The following ERICH5 variants were observed in gnomAD, a reference collection of about 807,000 sequenced individuals.
ERICH5 encodes glutamate rich 5, also known as glutamate-rich protein 5.
In ERICH5, 24 loss-of-function variants were observed where a neutral mutation model predicts 28.0. The observed-to-expected ratio is 0.86, with a 90% CI of 0.62 to 1.21. The LOEUF is 1.21. Among genes scored for constraint, ERICH5 ranks in the 50% most tolerant of loss-of-function variants. The pLI is 0.00. For missense variants in ERICH5, 421 were observed against 441.2 expected (o/e 0.95, Z 0.41); for synonymous variants, 163 against 157.6 (o/e 1.03, Z -0.25).
At chr8:98,082,458 C>A (rs1815201122) in intron 1 of ERICH5, among the ~76,000 whole-genome samples, 1 of 151,976 alleles carries the variant, frequency 6.6e-6, no homozygotes, top group Admixed American at 6.6e-5. Context: ...CCAGCCTGAC[C>A]AACATGGAGA....
rs1184658924 is a variant in ERICH5 at position 98,089,804 on chromosome 8, A to G, written c.787A>G (p.Lys263Glu). The G allele has an allele frequency of 6.2e-7, 1 of 1,614,042 alleles. No homozygotes were observed. ...GCCCCAGCTTCTAGAAAGAATTCCC[A>G]AAGAGAATGTAACACCAGAAGTATT... ...EQPQLLERIP[K>E]ENVTPEVLDR... is the part of the protein sequence containing the mutation. Residue 263 changes from lysine (K) to glutamate (E), a missense_variant, in exon 2 of 3, where the codon AAA (lysine) becomes GAA (glutamate). By Grantham distance (56) the Lys-to-Glu change is moderately conservative. Transcript: ENST00000318528.
intron 1 of ERICH5, among the ~76,000 whole-genome samples, chr8:98,088,023 AT>A (rs1247296444): frequency 1.3e-5 from 2 of 152,140 alleles, no homozygotes; most frequent in East Asian, 3.8e-4. Flanking sequence ...GGAGTTCAAG[AT>A]CAGCCTGGGC....
chr8:98,093,375 C>G lies in ERICH5; in HGVS notation c.*42C>G. The G allele has an allele frequency of 7.3e-7, 1 of 1,368,668 alleles. No homozygotes were observed. The highest frequency in any genetic ancestry group is 1.0e-6 in the Non-Finnish European group (1 of 971,624). The allele number at this position is 1,368,668 out of a possible 1,614,324, so 84.8% of individuals were successfully genotyped here. A position where few individuals can be genotyped will look rare whatever the true frequency, so the allele number is the denominator to read the frequency against. ...ACACAGTGTGTTATCATAGAGGAGA[C>G]AAAAATGGTAGTGAAGCTTGTGGTT... On this transcript the variant is annotated 3_prime_UTR_variant, in exon 3 of 3. Coordinates refer to ENST00000318528, the MANE Select transcript of ERICH5 (RefSeq NM_173549.3).
chr8:98,086,705 C>G (rs1027629541), intron 1 of ERICH5, among the ~76,000 whole-genome samples: 1 of 152,016 alleles, frequency 6.6e-6, no homozygotes, highest in Admixed American at 6.6e-5. Context: ...AATCCCAGCA[C>G]TTTGGGAGGC....
intron 1 of ERICH5, 144 bp from the exon 2 acceptor site, chr8:98,088,932 T>G: frequency 1.6e-6 from 1 of 630,070 alleles, no homozygotes; most frequent in Non-Finnish European, 2.7e-6. Flanking sequence ...AGGGTCATGG[T>G]ATGGCCTTTC....
In ERICH5 at chr8:98,091,223, AC is replaced by A. The variant is rs553640613; in HGVS notation, c.1012+1196del. 1.1e-4 allele frequency among the ~76,000 whole-genome samples: 17 copies of A among 152,310 alleles called. No homozygotes were observed. In the South Asian group the frequency reaches 3.5e-3, roughly 32 times the overall value. On this transcript the variant is annotated intron_variant, in intron 2 of 2. Transcript: ENST00000318528. Reference sequence around the variant, plus strand: ...AGTGCCGGGATTACAGGCATGAGCCACCATGTCTGGCCAATTCTTTCATTTA... The same window carrying A: ...AGTGCCGGGATTACAGGCATGAGCCACATGTCTGGCCAATTCTTTCATTTA...
intron 1 of ERICH5, among the ~76,000 whole-genome samples, chr8:98,084,709 G>C (rs186958751): frequency 3.4e-4 from 51 of 152,166 alleles, no homozygotes; most frequent in African/African-American, 1.1e-3. Context: ...AGATTGGATT[G>C]ATTCATTTCT....
chr8:98,068,683 C>T (rs1486474750), intron 1 of ERICH5, among the ~76,000 whole-genome samples: 1 of 152,186 alleles, frequency 6.6e-6, no homozygotes. Context: ...TAGCCCTCTG[C>T]TAACATGGAT....
At position 98,068,388 on chromosome 8, in the gene ERICH5, G is replaced by A. The variant is rs1022532087; in HGVS notation, c.58+3661G>A. Among the ~76,000 whole-genome samples the A allele has an allele frequency of 7.9e-5, 12 of 152,282 alleles. No individual in the cohort carries two copies. The South Asian group carries it at 1.7e-3, about 21-fold the overall frequency. On this transcript the variant is annotated intron_variant, in intron 1 of 2. Coordinates refer to ENST00000318528, the MANE Select transcript of ERICH5 (RefSeq NM_173549.3). ...AACAATTATTAGTGCTCCTCACAGC[G>A]TAGAACAGTGCCTAATATGTGGTAG...
chr8:98,078,691 G>A (rs1419092409), intron 1 of ERICH5, among the ~76,000 whole-genome samples: 1 of 152,128 alleles, frequency 6.6e-6, no homozygotes, highest in Admixed American at 6.6e-5. Flanking sequence ...CAAGGGTTCT[G>A]TTAGTTCAGC....
At chr8:98,085,224 G>A (rs1350198496) in intron 1 of ERICH5, among the ~76,000 whole-genome samples, 17 of 120,920 alleles carry the variant, frequency 1.4e-4, no homozygotes, top group African/African-American at 5.4e-4. Flanking sequence ...GCAGTGACGC[G>A]ATCTCGGCTC....
rs1563758284 is a variant in ERICH5, at chr8:98,089,079, CT to C, written c.64del (p.Ser22GlnfsTer67). On this transcript the variant is annotated frameshift_variant, in exon 2 of 3. Transcript: ENST00000318528. LOFTEE classifies it high-confidence loss of function. ...TTTTTCAAATGAATAACCAAAGTAACTTCAAATGAGCATTTTTCAACTGCAG... is the reference window on the plus strand; with the variant it reads ...TTTTTCAAATGAATAACCAAAGTAACTCAAATGAGCATTTTTCAACTGCAG... ...AGDSSRFPSV[T>X]SNEHFSTAEE... 1.3e-6 allele frequency: 2 copies of C among 1,596,566 alleles called. No individual in the cohort carries two copies. Among genetic ancestry groups the C allele is most frequent in the Non-Finnish European group, 1.7e-6 (2 of 1,172,748 alleles).
intron 2 of ERICH5, among the ~76,000 whole-genome samples, chr8:98,092,715 T>G (rs1284824768): frequency 6.6e-6 from 1 of 152,192 alleles, no homozygotes; most frequent in East Asian, 1.9e-4. Flanking sequence ...GAGATGTTAA[T>G]TGACTCGACA....
intron 1 of ERICH5, among the ~76,000 whole-genome samples, chr8:98,079,367 G>A (rs192010182): frequency 4.1e-4 from 63 of 151,842 alleles, no homozygotes; most frequent in African/African-American, 1.4e-3. Flanking sequence ...TAGAACCCCT[G>A]TGCCCACCCA....
chr8:98,071,030 G>A (rs1042542652), intron 1 of ERICH5, among the ~76,000 whole-genome samples: 1 of 152,066 alleles, frequency 6.6e-6, no homozygotes. Context: ...GTGGGAGGCC[G>A]AGGCAGGTGG....
At chr8:98,084,374 C>A (rs1007732047) in intron 1 of ERICH5, among the ~76,000 whole-genome samples, 1 of 151,946 alleles carries the variant, frequency 6.6e-6, no homozygotes, top group Non-Finnish European at 1.5e-5. Context: ...CATTCTGCAG[C>A]GGGAGTATTT....
chr8:98,077,039 G>A (rs1207786205), intron 1 of ERICH5, among the ~76,000 whole-genome samples: 2 of 152,026 alleles, frequency 1.3e-5, no homozygotes, highest in Non-Finnish European at 2.9e-5. Context: ...AACGCAGGAG[G>A]ATCGCTTCAG....
chr8:98,073,276 A>G (rs977485715), intron 1 of ERICH5, among the ~76,000 whole-genome samples: 8 of 150,496 alleles, frequency 5.3e-5, no homozygotes, highest in African/African-American at 1.5e-4. Flanking sequence ...CATATAATGC[A>G]CTGAGAATAT....
intron 1 of ERICH5, among the ~76,000 whole-genome samples, chr8:98,081,426 C>G (rs1815181471): frequency 6.6e-6 from 1 of 152,128 alleles, no homozygotes; most frequent in South Asian, 2.1e-4. Context: ...TAATTTCACC[C>G]TTGTTTGGGC....
Sources: allele counts gnomAD v4.1 joint callset (sites outside exome capture counted in the v4.1 genomes callset), GRCh38; gene constraint gnomAD v4.1.1; transcripts MANE v1.5; gene names NCBI Gene and HGNC (gene_info 2026-07-23, HGNC 2026-07-21).